Variants in ZBTB20 observed in about 807,000 individuals in gnomAD.
The protein encoded by ZBTB20 is zinc finger and BTB domain-containing protein 20.
Under a neutral mutation model 56.9 loss-of-function variants are expected in ZBTB20, and 9 were observed. The ratio of observed to expected loss-of-function variants is 0.16; its 90% CI spans 0.10 to 0.28. ZBTB20 has a LOEUF of 0.28. ZBTB20 is among the 10% of genes least tolerant of loss of function. The probability of loss-of-function intolerance (pLI) is 1.00; values close to 1 mark genes in which losing one functional copy is unlikely to be tolerated. For synonymous variants in ZBTB20, 417 were observed against 420.7 expected, an observed-to-expected ratio of 0.99 and a Z score of 0.11; for missense variants, 655 against 1,003.0, an observed-to-expected ratio of 0.65 and a Z score of 4.69.
chr3:115,090,038 G>C (rs2083129069), intron 1 of ZBTB20, among the ~76,000 whole-genome samples: 1 of 151,786 alleles, frequency 6.6e-6, no homozygotes, highest in Non-Finnish European at 1.5e-5. Flanking sequence ...ATATTACTAG[G>C]ATCTTTGGTG....
intron 7 of ZBTB20, among the ~76,000 whole-genome samples, chr3:114,473,219 C>T (rs983808877): frequency 6.6e-6 from 1 of 152,200 alleles, no homozygotes; most frequent in African/African-American, 2.4e-5. Context: ...CGTCCTACCC[C>T]TTCGGCACAC....
At chr3:114,409,799 G>T (rs1452166299) in intron 7 of ZBTB20, among the ~76,000 whole-genome samples, 2 of 152,124 alleles carry the variant, frequency 1.3e-5, no homozygotes, top group African/African-American at 4.8e-5. Context: ...TGAAACACTT[G>T]AAATTTCATA....
At chr3:114,508,756 A>T (rs1173268314) in intron 6 of ZBTB20, among the ~76,000 whole-genome samples, 1 of 152,136 alleles carries the variant, frequency 6.6e-6, no homozygotes, top group African/African-American at 2.4e-5. Flanking sequence ...TTTGCAACCC[A>T]TTATTTCCAT....
At chr3:115,035,092 T>C (rs917749640) in intron 2 of ZBTB20, among the ~76,000 whole-genome samples, 13 of 152,018 alleles carry the variant, frequency 8.6e-5, no homozygotes, top group Non-Finnish European at 1.8e-4. Context: ...AAGCTTTAAA[T>C]ATAAGATCTA....
chr3:114,329,726 A>C lies in ZBTB20; in HGVS notation c.*9279T>G, dbSNP rs1234134066. On this transcript the variant is annotated 3_prime_UTR_variant, in exon 12 of 12. Coordinates refer to ENST00000675478, the MANE Select transcript of ZBTB20 (RefSeq NM_001348800.3). ...TTTTTTTGGAAAAAAAAAAAAAAAA[A>C]AAAAAAAAAAACAACTCCCAGGAAA... 2 of 149,924 alleles carry C rather than the reference A, an allele frequency of 1.3e-5. No homozygotes were observed. Among genetic ancestry groups the C allele is most frequent in the African/African-American group, 4.9e-5 (2 of 40,848 alleles). The allele number at this position is 149,924 out of a possible 1,614,324, so 9.3% of individuals were successfully genotyped here.
At chr3:114,895,892 G>C (rs571229015) in intron 4 of ZBTB20, among the ~76,000 whole-genome samples, 1 of 152,090 alleles carries the variant, frequency 6.6e-6, no homozygotes, top group African/African-American at 2.4e-5. Flanking sequence ...CGATGAGGTC[G>C]CACAGCTACT....
At chr3:114,457,146 G>A (rs557074148) in intron 7 of ZBTB20, among the ~76,000 whole-genome samples, 1 of 152,356 alleles carries the variant, frequency 6.6e-6, no homozygotes, top group South Asian at 2.1e-4. Context: ...GCAGTGGAGT[G>A]CTTAGTAAAT....
rs143315311 is a variant in ZBTB20 at position 114,320,458 on chromosome 3, T to C, written c.*18547A>G. 3 of 152,076 alleles carry C rather than the reference T, an allele frequency of 2.0e-5. No homozygotes were observed. Among genetic ancestry groups the C allele is most frequent in the Admixed American group, 6.5e-5 (1 of 15,272 alleles). 9.4% of individuals were successfully genotyped at this position (152,076 alleles called of 1,614,324 possible). On this transcript the variant is annotated 3_prime_UTR_variant, in exon 12 of 12. Coordinates refer to ENST00000675478, the MANE Select transcript of ZBTB20 (RefSeq NM_001348800.3). ...CCTCAATTATATCAAAGAAAACAAA[T>C]AGACAAACAAGAATTATAGAACATA...
At chr3:114,874,461 C>T (rs1484768650) in intron 4 of ZBTB20, among the ~76,000 whole-genome samples, 4 of 152,174 alleles carry the variant, frequency 2.6e-5, no homozygotes, top group Admixed American at 2.6e-4. Flanking sequence ...GGAAGTCACA[C>T]AGCTTAATAA....
At chr3:114,573,633 C>T (rs536762872) in intron 6 of ZBTB20, among the ~76,000 whole-genome samples, 34 of 151,356 alleles carry the variant, frequency 2.2e-4, no homozygotes, top group Admixed American at 9.2e-4. Context: ...TCTGGAACAT[C>T]GAAGTTCAGG....
intron 7 of ZBTB20, among the ~76,000 whole-genome samples, chr3:114,492,327 T>C (rs1277808883): frequency 3.9e-5 from 6 of 152,210 alleles, no homozygotes; most frequent in African/African-American, 7.2e-5. Context: ...TATGTATCTA[T>C]CCAAAGTACC....
intron 2 of ZBTB20, among the ~76,000 whole-genome samples, chr3:114,999,726 A>T (rs937978819): frequency 6.7e-6 from 1 of 149,896 alleles, no homozygotes; most frequent in East Asian, 1.9e-4. Context: ...TTCAAGCTAC[A>T]TTTAAGTTTT....
intron 6 of ZBTB20, among the ~76,000 whole-genome samples, chr3:114,611,925 T>C (rs887685138): frequency 6.6e-6 from 1 of 152,226 alleles, no homozygotes; most frequent in Admixed American, 6.5e-5. Context: ...CTGATAGCTA[T>C]TGTTCTCATC....
At chr3:114,959,758 G>C in intron 3 of ZBTB20, among the ~76,000 whole-genome samples, 1 of 145,604 alleles carries the variant, frequency 6.9e-6, no homozygotes, top group South Asian at 2.2e-4. Flanking sequence ...CACACTTGGA[G>C]ACTCTCATGC....
chr3:114,608,420 T>G (rs2057324147), intron 6 of ZBTB20, among the ~76,000 whole-genome samples: 1 of 152,184 alleles, frequency 6.6e-6, no homozygotes, highest in South Asian at 2.1e-4. Context: ...TATGGTAGAC[T>G]CAGGAATGTG....
chr3:114,934,626 T>TGGAA (rs2076471476), intron 3 of ZBTB20, among the ~76,000 whole-genome samples: 1 of 152,186 alleles, frequency 6.6e-6, no homozygotes, highest in South Asian at 2.1e-4. Flanking sequence ...TGGCCCTTCC[T>TGGAA]CTTTCTATCT....
intron 7 of ZBTB20, among the ~76,000 whole-genome samples, chr3:114,482,042 A>C (rs2041611564): frequency 6.6e-6 from 1 of 152,170 alleles, no homozygotes. Flanking sequence ...GTCTGAGGGT[A>C]AACACATCCA....
chr3:114,754,890 T>G (rs150876823), intron 5 of ZBTB20, among the ~76,000 whole-genome samples: 1 of 152,312 alleles, frequency 6.6e-6, no homozygotes, highest in East Asian at 1.9e-4. Flanking sequence ...TACAGTATAA[T>G]AAACCCTCAT....
At chr3:114,839,312 G>A (rs2074262584) in intron 4 of ZBTB20, among the ~76,000 whole-genome samples, 1 of 151,774 alleles carries the variant, frequency 6.6e-6, no homozygotes, top group South Asian at 2.1e-4. Context: ...GAAGTGGGAG[G>A]ATCACTTGCG....
Sources: allele counts gnomAD v4.1 joint callset (sites outside exome capture counted in the v4.1 genomes callset), GRCh38; gene constraint gnomAD v4.1.1; transcripts MANE v1.5; gene names NCBI Gene and HGNC (gene_info 2026-07-23, HGNC 2026-07-21).